The following CGA variants were observed in gnomAD, a reference collection of about 807,000 sequenced individuals.
CGA encodes glycoprotein hormones alpha chain.
CGA carries 4 observed loss-of-function variants against 12.0 expected under a neutral mutation model. The ratio of observed to expected loss-of-function variants is 0.33; its 90% CI spans 0.16 to 0.76. CGA has a LOEUF of 0.76. Ranked by LOEUF, CGA falls within the 30% of genes least tolerant of loss-of-function variation. CGA has a pLI of 0.60. For synonymous variants in CGA, 60 were observed against 56.6 expected (o/e 1.06, Z -0.27); for missense variants, 102 against 143.5 (o/e 0.71, Z 1.48).
chr6:87,086,622 C>CAA (rs1366407116), intron 2 of CGA, 188 bp from the exon 3 acceptor site: 1 of 560,426 alleles, frequency 1.8e-6, no homozygotes, highest in Admixed American at 3.3e-5. Context: ...ACAAAAAATA[C>CAA]AACAACAACA....
chr6:87,090,137 T>C (rs916358377), intron 1 of CGA, among the ~76,000 whole-genome samples: 2 of 152,200 alleles, frequency 1.3e-5, no homozygotes, highest in Non-Finnish European at 2.9e-5. Context: ...TATTTATATG[T>C]AAGTAATTTT....
At chr6:87,094,043 G>C (rs1236088448) in intron 1 of CGA, among the ~76,000 whole-genome samples, 3 of 152,172 alleles carry the variant, frequency 2.0e-5, no homozygotes, top group Non-Finnish European at 1.5e-5. Context: ...TAATTGAATT[G>C]GTATTAAGTC....
In CGA at chr6:87,085,661, A is replaced by T. The variant is rs1769304231; in HGVS notation, c.*95T>A. 1.4e-5 allele frequency: 12 copies of T among 833,042 alleles called. No individual in the cohort carries two copies. In the Admixed American group the frequency reaches 2.2e-4, roughly 15 times the overall value. 51.6% of individuals were successfully genotyped at this position (833,042 alleles called of 1,614,324 possible). A position where few individuals can be genotyped will look rare whatever the true frequency, so the allele number is the denominator to read the frequency against. ...GTGTCAAAGTGGTATGGTAAGGAAA[A>T]GGAGAGTTTTATCTCACAAAGCCAT... On this transcript the variant is annotated 3_prime_UTR_variant, in exon 4 of 4. Coordinates refer to ENST00000627148, the MANE Select transcript of CGA (RefSeq NM_000735.4).
At chr6:87,088,251 A>C in intron 1 of CGA, 44 bp from the exon 2 acceptor site, 1 of 1,254,186 alleles carries the variant, frequency 8.0e-7, no homozygotes, top group East Asian at 2.5e-5. Context: ...AAAACAGTTA[A>C]TCTAAAATTG....
intron 2 of CGA, 114 bp downstream of exon 2, chr6:87,087,999 G>A: frequency 3.9e-6 from 2 of 513,960 alleles, no homozygotes; most frequent in Non-Finnish European, 6.8e-6. Flanking sequence ...GAATCCAGCA[G>A]CAAAGACTTA....
intron 2 of CGA, 80 bp from the exon 3 acceptor site, chr6:87,086,514 C>G (rs773891609): frequency 1.4e-6 from 2 of 1,396,734 alleles, no homozygotes; most frequent in South Asian, 2.8e-5. Flanking sequence ...CAGTAGCTCA[C>G]GCCTGTAATC....
intron 1 of CGA, among the ~76,000 whole-genome samples, chr6:87,091,453 G>A (rs1769430361): frequency 6.6e-6 from 1 of 152,092 alleles, no homozygotes. Context: ...GAATCAGGGG[G>A]AGAAATTAAA....
In CGA at chr6:87,085,558, C is replaced by T. The variant is rs1239326190; in HGVS notation, c.*198G>A. Reference sequence around the variant, plus strand: ...AACAAGCTAAATGCTGTATTCATTCCAAATGAAAAGAACTAGACTGCTGAT... The same window carrying T: ...AACAAGCTAAATGCTGTATTCATTCTAAATGAAAAGAACTAGACTGCTGAT... On this transcript the variant is annotated 3_prime_UTR_variant, in exon 4 of 4. Transcript: ENST00000627148. 9.4e-6 allele frequency: 5 copies of T among 534,744 alleles called. No individual in the cohort carries two copies. The highest frequency in any genetic ancestry group is 1.7e-5 in the Non-Finnish European group (5 of 292,924). The allele number at this position is 534,744 out of a possible 1,614,324, so 33.1% of individuals were successfully genotyped here.
At chr6:87,087,792 G>A (rs113592041) in intron 2 of CGA, 2,611 of 176,774 alleles carry the variant, frequency 0.015, 75 homozygotes, top group African/African-American at 0.058. Context: ...CAAATCTGCC[G>A]GGAGAAATGT....
At chr6:87,091,439 T>C (rs1769430074) in intron 1 of CGA, among the ~76,000 whole-genome samples, 2 of 152,196 alleles carry the variant, frequency 1.3e-5, no homozygotes, top group African/African-American at 4.8e-5. Flanking sequence ...AAAGAAAATA[T>C]TAAGAATCAG....
At position 87,086,349 on chromosome 6, in the gene CGA, A is replaced by G; in HGVS notation, c.174T>C (p.Ser58=). Residue 58 remains serine, a synonymous_variant, in exon 3 of 4, where the codon TCT becomes TCC. Coordinates refer to ENST00000627148, the MANE Select transcript of CGA (RefSeq NM_000735.4). ...PILQCMGCCF[S]RAYPTPLRSK... is the part of the protein sequence containing the mutation. ...ACCTTAGTGGAGTGGGATATGCTCTAGAGAAGCAGCAGCCCATGCACTGAA... is the reference window on the plus strand; with the variant it reads ...ACCTTAGTGGAGTGGGATATGCTCTGGAGAAGCAGCAGCCCATGCACTGAA... The G allele has an allele frequency of 1.9e-6, 3 of 1,614,076 alleles. No homozygotes were observed. The highest frequency in any genetic ancestry group is 2.2e-5 in the South Asian group (2 of 91,066).
intron 3 of CGA, 137 bp downstream of exon 3, chr6:87,086,113 T>C: frequency 1.3e-6 from 1 of 765,440 alleles, no homozygotes; most frequent in Non-Finnish European, 2.2e-6. Context: ...TGGGTAGAAA[T>C]GTATTCCCCA....
At chr6:87,092,816 C>G (rs552205735) in intron 1 of CGA, among the ~76,000 whole-genome samples, 1 of 146,256 alleles carries the variant, frequency 6.8e-6, no homozygotes, top group Admixed American at 7.0e-5. Context: ...GCCACTATCA[C>G]GGCTCATTAC....
At chr6:87,088,881 C>T (rs1282427165) in intron 1 of CGA, 1 of 152,212 alleles carries the variant, frequency 6.6e-6, no homozygotes, top group African/African-American at 2.4e-5. Context: ...TATGCCCCAA[C>T]AGTTGCACTT....
chr6:87,092,420 G>T (rs1407955773), intron 1 of CGA, among the ~76,000 whole-genome samples: 1 of 152,028 alleles, frequency 6.6e-6, no homozygotes, highest in African/African-American at 2.4e-5. Context: ...AGCCGAGGTG[G>T]GAGGATCACT....
intron 1 of CGA, among the ~76,000 whole-genome samples, chr6:87,093,597 T>C (rs1489285988): frequency 1.3e-5 from 2 of 152,220 alleles, no homozygotes; most frequent in African/African-American, 4.8e-5. Flanking sequence ...TCAAAAGAAA[T>C]GTAAGTTCAC....
At position 87,086,180 on chromosome 6, in the gene CGA, A is replaced by G. The variant is rs909143594; in HGVS notation, c.273+70T>C. The G allele has an allele frequency of 7.5e-5, 105 of 1,401,938 alleles. 1 individual carries two copies. The highest frequency in any genetic ancestry group is 4.2e-4 in the African/African-American group (29 of 69,348). 86.8% of individuals were successfully genotyped at this position (1,401,938 alleles called of 1,614,324 possible). A position where few individuals can be genotyped will look rare whatever the true frequency, so the allele number is the denominator to read the frequency against. Reference sequence around the variant, plus strand: ...TTAGACACCTTTGGCATTAAATTCCATGGGTGGGCTCTATGAACATTTCTC... The same window carrying G: ...TTAGACACCTTTGGCATTAAATTCCGTGGGTGGGCTCTATGAACATTTCTC... On this transcript the variant is annotated intron_variant, in intron 3 of 3. Coordinates refer to ENST00000627148, the MANE Select transcript of CGA (RefSeq NM_000735.4).
chr6:87,095,098 A>C lies in CGA; in HGVS notation c.-93T>G, dbSNP rs1259565531. ...TTTTAGCTTCGTCTTATGAGTTCTC[A>C]GTAACTGCAGTTAATGAAGTCCTCA... On this transcript the variant is annotated 5_prime_UTR_variant, in exon 1 of 4. Coordinates refer to ENST00000627148, the MANE Select transcript of CGA (RefSeq NM_000735.4). 2 of 152,236 alleles carry C rather than the reference A, an allele frequency of 1.3e-5. No homozygotes were observed. The highest frequency in any genetic ancestry group is 6.5e-5 in the Admixed American group (1 of 15,288). 9.4% of individuals were successfully genotyped at this position (152,236 alleles called of 1,614,324 possible).
At chr6:87,091,458 A>G (rs1057127252) in intron 1 of CGA, among the ~76,000 whole-genome samples, 1 of 152,210 alleles carries the variant, frequency 6.6e-6, no homozygotes, top group Admixed American at 6.5e-5. Flanking sequence ...AGGGGGAGAA[A>G]TTAAATTCTG....
Sources: gnomAD v4.1 joint callset for allele counts (sites outside exome capture counted in the v4.1 genomes callset) on GRCh38, gnomAD v4.1.1 for gene constraint, MANE v1.5 for transcripts, NCBI Gene and HGNC (gene_info 2026-07-23, HGNC 2026-07-21) for gene names.